The following POLE2 variants were observed in gnomAD, a reference collection of about 807,000 sequenced individuals.
The protein encoded by POLE2 is DNA polymerase epsilon subunit 2.
A neutral mutation model predicts 79.4 loss-of-function variants in POLE2; 56 were observed. The observed-to-expected ratio is 0.71, with a 90% CI of 0.57 to 0.88. The LOEUF is 0.88. POLE2 is among the 40% of genes least tolerant of loss of function. The pLI is 0.00. For synonymous variants in POLE2, 212 were observed against 214.0 expected, an observed-to-expected ratio of 0.99 and a Z score of 0.08; for missense variants, 598 against 638.9, an observed-to-expected ratio of 0.94 and a Z score of 0.69.
intron 3 of POLE2, among the ~76,000 whole-genome samples, 188 bp from the exon 4 acceptor site, chr14:49,674,615 A>G (rs778093409): frequency 2.0e-5 from 3 of 152,148 alleles, no homozygotes; most frequent in Non-Finnish European, 4.4e-5. Flanking sequence ...TCTCCAGGCT[A>G]GAGTGCAATG....
At chr14:49,673,353 G>A (rs1167292611) in intron 5 of POLE2, among the ~76,000 whole-genome samples, 3 of 152,154 alleles carry the variant, frequency 2.0e-5, no homozygotes, top group African/African-American at 4.8e-5. Flanking sequence ...CAACTCCCAA[G>A]GGTGGCATCC....
intron 1 of POLE2, chr14:49,684,755 C>A (rs1435161817): frequency 6.6e-6 from 1 of 150,984 alleles, no homozygotes; most frequent in East Asian, 2.0e-4. Context: ...GGGCAGATCA[C>A]GAGGTCAGGA....
chr14:49,662,322 G>C (rs1416475823), intron 10 of POLE2, among the ~76,000 whole-genome samples: 1 of 152,196 alleles, frequency 6.6e-6, no homozygotes, highest in Non-Finnish European at 1.5e-5. Flanking sequence ...TTGTTGAGAC[G>C]GAGTCTCGCT....
chr14:49,655,257 T>C (rs1250081526), intron 11 of POLE2, among the ~76,000 whole-genome samples, 163 bp from the exon 12 acceptor site: 1 of 152,112 alleles, frequency 6.6e-6, no homozygotes, highest in Non-Finnish European at 1.5e-5. Context: ...CATTGAGCAC[T>C]TACTATAGGC....
intron 18 of POLE2, 91 bp downstream of exon 18, chr14:49,647,202 A>C: frequency 1.4e-6 from 1 of 714,602 alleles, no homozygotes; most frequent in Non-Finnish European, 2.4e-6. Flanking sequence ...AGACATTTTC[A>C]AAAATCCCAA....
chr14:49,659,556 T>A (rs995006212), intron 10 of POLE2, among the ~76,000 whole-genome samples: 2 of 152,194 alleles, frequency 1.3e-5, no homozygotes, highest in African/African-American at 2.4e-5. Flanking sequence ...AAGAATGTTA[T>A]AGTAACTAAA....
intron 9 of POLE2, among the ~76,000 whole-genome samples, chr14:49,663,878 T>TA (rs1006943703): frequency 2.1e-5 from 3 of 146,268 alleles, no homozygotes; most frequent in African/African-American, 5.1e-5. Context: ...AATACAAAAA[T>TA]AAAAAAAAAT....
intron 15 of POLE2, 104 bp downstream of exon 15, chr14:49,653,886 C>G: frequency 1.5e-6 from 1 of 646,904 alleles, no homozygotes; most frequent in Non-Finnish European, 2.7e-6. Context: ...AGCAACCTGC[C>G]TGCCTCGGCC....
intron 1 of POLE2, 42 bp downstream of exon 1, chr14:49,688,094 A>C (rs900693575): frequency 7.4e-6 from 11 of 1,476,900 alleles, no homozygotes; most frequent in Non-Finnish European, 1.0e-5. Flanking sequence ...GACGGGCCCC[A>C]GCTCTTCCCT....
chr14:49,677,865 C>A, intron 3 of POLE2: 1 of 417,004 alleles, frequency 2.4e-6, no homozygotes, highest in Non-Finnish European at 4.3e-6. Flanking sequence ...CAGCCCCCAG[C>A]TCCTGGCCAG....
intron 17 of POLE2, 131 bp downstream of exon 17, chr14:49,650,134 A>C (rs528427966): frequency 2.0e-6 from 1 of 490,338 alleles, no homozygotes; most frequent in South Asian, 8.5e-5. Flanking sequence ...GTGTATAGAA[A>C]CTTAATTCAG....
chr14:49,660,563 G>A (rs1490263594), intron 10 of POLE2, among the ~76,000 whole-genome samples: 2 of 151,704 alleles, frequency 1.3e-5, no homozygotes, highest in African/African-American at 2.4e-5. Context: ...GGCTTGAGTC[G>A]GAAACCTTGG....
At chr14:49,662,779 C>T (rs1212984246) in intron 10 of POLE2, among the ~76,000 whole-genome samples, 2 of 152,194 alleles carry the variant, frequency 1.3e-5, no homozygotes, top group Non-Finnish European at 2.9e-5. Flanking sequence ...GGTCTATAAA[C>T]TACTTTCAAC....
intron 6 of POLE2, among the ~76,000 whole-genome samples, chr14:49,668,421 T>C (rs552847318): frequency 2.4e-4 from 36 of 147,560 alleles, no homozygotes; most frequent in Non-Finnish European, 5.2e-4. Flanking sequence ...AAGACCAGCC[T>C]GGGCAACATG....
intron 5 of POLE2, among the ~76,000 whole-genome samples, chr14:49,672,767 G>A (rs2139668066): frequency 6.6e-6 from 1 of 152,266 alleles, no homozygotes; most frequent in South Asian, 2.1e-4. Context: ...CCAAAGTGCT[G>A]GGATTACAGG....
chr14:49,671,522 C>T (rs931438273), intron 5 of POLE2, among the ~76,000 whole-genome samples: 4 of 148,432 alleles, frequency 2.7e-5, no homozygotes, highest in Admixed American at 1.4e-4. Context: ...GAGGCTGAGG[C>T]AGGAGAATCG....
At chr14:49,658,205 T>C (rs1322831365) in intron 10 of POLE2, among the ~76,000 whole-genome samples, 1 of 152,024 alleles carries the variant, frequency 6.6e-6, no homozygotes, top group East Asian at 1.9e-4. Flanking sequence ...GCCTCCCAAG[T>C]AGCTGGGACT....
At chr14:49,656,730 A>G (rs955512699) in intron 10 of POLE2, among the ~76,000 whole-genome samples, 1 of 152,170 alleles carries the variant, frequency 6.6e-6, no homozygotes, top group African/African-American at 2.4e-5. Context: ...AATACCCCAT[A>G]GGCCTCCTCT....
At chr14:49,677,791 G>A in intron 3 of POLE2, 1 of 758,326 alleles carries the variant, frequency 1.3e-6, no homozygotes, top group Non-Finnish European at 2.0e-6. Flanking sequence ...TGGCCTCAAT[G>A]ATGACTGTGG....
Sources: gnomAD v4.1 joint callset for allele counts (sites outside exome capture counted in the v4.1 genomes callset) on GRCh38, gnomAD v4.1.1 for gene constraint, MANE v1.5 for transcripts, NCBI Gene and HGNC (gene_info 2026-07-23, HGNC 2026-07-21) for gene names.